The following TTC38 variants were observed in gnomAD, a reference collection of about 807,000 sequenced individuals.
The protein encoded by TTC38 is tetratricopeptide repeat domain 38, also known as tetratricopeptide repeat protein 38.
TTC38 carries 64 observed loss-of-function variants against 64.2 expected under a neutral mutation model. That is an observed-to-expected ratio of 1.00 (90% confidence interval 0.81 to 1.23). TTC38 has a LOEUF of 1.23. Among genes scored for constraint, TTC38 ranks in the 50% most tolerant of loss-of-function variants. The pLI, the probability that TTC38 is intolerant of heterozygous loss-of-function variation, is 0.00. For synonymous variants in TTC38, 254 were observed against 249.3 expected (o/e 1.02, Z -0.18); for missense variants, 573 against 615.5 (o/e 0.93, Z 0.73).
intron 5 of TTC38, among the ~76,000 whole-genome samples, chr22:46,277,879 G>A (rs2077505012): frequency 6.6e-6 from 1 of 152,188 alleles, no homozygotes; most frequent in Admixed American, 6.5e-5. Context: ...CCTGGGTCAT[G>A]CCTCTGGGTG....
chr22:46,284,454 C>T (rs1026247395), intron 8 of TTC38, among the ~76,000 whole-genome samples: 2 of 152,192 alleles, frequency 1.3e-5, no homozygotes, highest in Non-Finnish European at 2.9e-5. Flanking sequence ...GCTAGAAGCT[C>T]CCTGAATGTC....
rs1936867214 is a variant in TTC38, at chr22:46,270,287, G to C, written c.111+1696G>C. On this transcript the variant is annotated intron_variant, in intron 2 of 13. Coordinates refer to ENST00000381031, the MANE Select transcript of TTC38 (RefSeq NM_017931.4). This position sits in a 1 kb window ranked among gnomAD's most constrained non-coding sequence, Gnocchi z 4.7. ...GCTTATAGTCTCAGCTATTTGGGAG[G>C]CTGAGGCAGGGGGATTGCTTGAGCC... Among the ~76,000 whole-genome samples, 1 of 152,182 alleles carries C rather than the reference G, an allele frequency of 6.6e-6. No individual in the cohort carries two copies. Among genetic ancestry groups the C allele is most frequent in the Non-Finnish European group, 1.5e-5 (1 of 68,044 alleles).
chr22:46,292,707 G>A lies in TTC38; in HGVS notation c.1317-84G>A. ...CAGTGCCGCAGTCTAGCCTGCCTGT[G>A]TTCTGCCTTGGGACCAAGGGACCAC... On this transcript the variant is annotated intron_variant, in intron 13 of 13. Transcript: ENST00000381031. The surrounding 1 kb of genome is among the most constrained non-coding windows in gnomAD (Gnocchi z 6.5). 7.9e-7 allele frequency: 1 copy of A among 1,259,910 alleles called. No individual in the cohort carries two copies. The highest frequency in any genetic ancestry group is 1.2e-6 in the Non-Finnish European group (1 of 865,688). 78.0% of individuals were successfully genotyped at this position (1,259,910 alleles called of 1,614,324 possible).
At position 46,276,684 on chromosome 22, in the gene TTC38, C is replaced by G. The variant is rs752505621; in HGVS notation, c.539+1263C>G. Among the ~76,000 whole-genome samples, 40 of 147,462 alleles carry G rather than the reference C, an allele frequency of 2.7e-4. No homozygotes were observed. The highest frequency in any genetic ancestry group is 4.6e-4 in the Non-Finnish European group (31 of 67,316). ...ACTGCACTCAGCCTGGGCAGCAGAG[C>G]AAGACTCTGTATCTAAAAGAATATA... On this transcript the variant is annotated intron_variant, in intron 5 of 13. Transcript: ENST00000381031. This position sits in a 1 kb window ranked among gnomAD's most constrained non-coding sequence, Gnocchi z 4.7.
intron 2 of TTC38, among the ~76,000 whole-genome samples, chr22:46,269,589 A>C (rs1356785474): frequency 6.6e-6 from 1 of 152,172 alleles, no homozygotes; most frequent in African/African-American, 2.4e-5. Flanking sequence ...TCCACATAAC[A>C]GGAGGACTCA....
At chr22:46,279,310 A>C (rs2077516453) in intron 6 of TTC38, among the ~76,000 whole-genome samples, 1 of 152,178 alleles carries the variant, frequency 6.6e-6, no homozygotes, top group Non-Finnish European at 1.5e-5. Context: ...GCTGCCATGC[A>C]CAAGGGAGTG....
chr22:46,284,868 C>CAAA (rs130641), intron 8 of TTC38, among the ~76,000 whole-genome samples: 10 of 75,302 alleles, frequency 1.3e-4, no homozygotes, highest in African/African-American at 2.3e-4. Flanking sequence ...GACCCCATCT[C>CAAA]AAAAAAAAAA....
chr22:46,268,786 G>A (rs1453584491), intron 2 of TTC38, 195 bp downstream of exon 2: 8 of 540,080 alleles, frequency 1.5e-5, no homozygotes, highest in South Asian at 4.1e-5. Context: ...CCGGGTTCAC[G>A]CCATTCTCGT....
At position 46,272,391 on chromosome 22, in the gene TTC38, G is replaced by A; in HGVS notation, c.168G>A (p.Lys56=). ...GTGGCATCGAGGGCTGCCTGTCAAA[G>A]CTCAAAGCAGCAGATCCAACCTTTG... is the stretch of plus-strand genomic sequence containing the variant. ...SLGGIEGCLS[K]LKAADPTFVM... Residue 56 remains lysine (K), a synonymous_variant, in exon 3 of 14, where the codon AAG becomes AAA. Transcript: ENST00000381031. This position sits in a 1 kb window ranked among gnomAD's most constrained non-coding sequence, Gnocchi z 6.4. 6.2e-7 allele frequency: 1 copy of A among 1,613,850 alleles called. No homozygotes were observed. Among genetic ancestry groups the A allele is most frequent in the South Asian group, 1.1e-5 (1 of 91,066 alleles).
chr22:46,292,117 G>A lies in TTC38; in HGVS notation c.1317-674G>A. On this transcript the variant is annotated intron_variant, in intron 13 of 13. Coordinates refer to ENST00000381031, the MANE Select transcript of TTC38 (RefSeq NM_017931.4). This position sits in a 1 kb window ranked among gnomAD's most constrained non-coding sequence, Gnocchi z 6.5. ...GCTTGTGGACAGCCACTTTCTTGCT[G>A]TGTCCTCACATGACCTTTCCTTTGA... 2.6e-6 allele frequency: 1 copy of A among 380,110 alleles called. No individual in the cohort carries two copies. The highest frequency in any genetic ancestry group is 5.1e-6 in the Non-Finnish European group (1 of 194,428). The allele number at this position is 380,110 out of a possible 1,614,324, so 23.5% of individuals were successfully genotyped here. A position where few individuals can be genotyped will look rare whatever the true frequency, so the allele number is the denominator to read the frequency against.
At chr22:46,277,080 CACACAT>C (rs1438363656) in intron 5 of TTC38, among the ~76,000 whole-genome samples, 9 of 149,456 alleles carry the variant, frequency 6.0e-5, no homozygotes, top group East Asian at 5.8e-4. Flanking sequence ...CACACACACA[CACACAT>C]ACATTTTAAA....
intron 2 of TTC38, chr22:46,269,027 A>G (rs1186651468): frequency 8.3e-6 from 3 of 361,448 alleles, no homozygotes; most frequent in African/African-American, 2.2e-5. Flanking sequence ...CCTTAGCAAT[A>G]GATGGCAGCA....
In TTC38 at chr22:46,281,335, T is replaced by C. The variant is rs905460535; in HGVS notation, c.616-264T>C. ...CCTGGCTTTAGAAAGATCCTGCTGC[T>C]GTCCAGCTGGGTGAAGTCGCATAGC... On this transcript the variant is annotated intron_variant, in intron 6 of 13. Coordinates refer to ENST00000381031, the MANE Select transcript of TTC38 (RefSeq NM_017931.4). The surrounding 1 kb of genome is among the most constrained non-coding windows in gnomAD (Gnocchi z 5.2). Among the ~76,000 whole-genome samples, 3 of 152,242 alleles carry C rather than the reference T, an allele frequency of 2.0e-5. No individual in the cohort carries two copies. The highest frequency in any genetic ancestry group is 2.9e-5 in the Non-Finnish European group (2 of 68,042).
At position 46,274,286 on chromosome 22, in the gene TTC38, A is replaced by G. The variant is rs1936961809; in HGVS notation, c.365+217A>G. On this transcript the variant is annotated intron_variant, in intron 4 of 13. Coordinates refer to ENST00000381031, the MANE Select transcript of TTC38 (RefSeq NM_017931.4). This position sits in a 1 kb window ranked among gnomAD's most constrained non-coding sequence, Gnocchi z 4.8. Reference sequence around the variant, plus strand: ...AGCAGTTGGTGAAGATTCCCAACTTAGTGTCCAAAGTAACTTGCTTTGTTT... The same window carrying G: ...AGCAGTTGGTGAAGATTCCCAACTTGGTGTCCAAAGTAACTTGCTTTGTTT... 6.6e-6 allele frequency among the ~76,000 whole-genome samples: 1 copy of G among 152,218 alleles called. No individual in the cohort carries two copies. The highest frequency in any genetic ancestry group is 1.5e-5 in the Non-Finnish European group (1 of 68,050).
intron 13 of TTC38, among the ~76,000 whole-genome samples, chr22:46,290,895 C>G (rs6007795): frequency 0.25 from 38,727 of 152,126 alleles, 8,352 homozygotes; most frequent in African/African-American, 0.59. Flanking sequence ...ATGTCCCTGC[C>G]ACCCTCAGAC....
At position 46,281,594 on chromosome 22, in the gene TTC38, C is replaced by T. The variant is rs536079652; in HGVS notation, c.616-5C>T. ...CTGGAATCCTCTTCCCCGCACCCTG[C>T]GTAGGCTTTATCTATTAACCCGACA... On this transcript the variant is annotated splice_polypyrimidine_tract_variant and splice_region_variant and intron_variant, in intron 6 of 13. Transcript: ENST00000381031. The surrounding 1 kb of genome is among the most constrained non-coding windows in gnomAD (Gnocchi z 5.2). 1.4e-5 allele frequency: 22 copies of T among 1,614,044 alleles called. No individual in the cohort carries two copies. Among genetic ancestry groups the T allele is most frequent in the Admixed American group, 6.7e-5 (4 of 60,016 alleles).
At chr22:46,269,613 A>G (rs1936849655) in intron 2 of TTC38, among the ~76,000 whole-genome samples, 1 of 152,212 alleles carries the variant, frequency 6.6e-6, no homozygotes, top group Non-Finnish European at 1.5e-5. Flanking sequence ...AGCTCTTAGA[A>G]GCCTACGGGC....
chr22:46,290,358 C>T (rs1467675610), intron 13 of TTC38, among the ~76,000 whole-genome samples: 3 of 152,034 alleles, frequency 2.0e-5, no homozygotes, highest in Admixed American at 6.6e-5. Context: ...GTCGGGGGAG[C>T]GACAGGGAGC....
rs2077490437 is a variant in TTC38 at position 46,276,746 on chromosome 22, A to AT, written c.539+1325_539+1326insT. Among the ~76,000 whole-genome samples, 2 of 145,374 alleles carry AT rather than the reference A, an allele frequency of 1.4e-5. No individual in the cohort carries two copies. Among genetic ancestry groups the AT allele is most frequent in the Non-Finnish European group, 3.0e-5 (2 of 66,608 alleles). On this transcript the variant is annotated intron_variant, in intron 5 of 13. Transcript: ENST00000381031. The surrounding 1 kb of genome is among the most constrained non-coding windows in gnomAD (Gnocchi z 4.7). ...TATATATATTAAAAAAATATATATA[A>AT]AATACATATATTAAAAATATATATT...
Sources: gnomAD v4.1 joint callset for allele counts (sites outside exome capture counted in the v4.1 genomes callset) on GRCh38, gnomAD v4.1.1 for gene constraint, Gnocchi (gnomAD v3.1) non-coding constraint, MANE v1.5 for transcripts, NCBI Gene and HGNC (gene_info 2026-07-23, HGNC 2026-07-21) for gene names.